The following EFL1 variants were observed in gnomAD, a reference collection of about 807,000 sequenced individuals.
EFL1 encodes elongation factor like GTPase 1.
A neutral mutation model predicts 126.7 loss-of-function variants in EFL1; 76 were observed. The ratio of observed to expected loss-of-function variants is 0.60; its 90% CI spans 0.50 to 0.73. The LOEUF (loss-of-function observed/expected upper bound fraction) is 0.73, where lower values mean the gene tolerates loss of function less well. Ranked by LOEUF, EFL1 falls within the 30% of genes least tolerant of loss-of-function variation. The probability of loss-of-function intolerance (pLI) is 0.00; values close to 1 mark genes in which losing one functional copy is unlikely to be tolerated. For synonymous variants in EFL1, 410 were observed against 448.4 expected (o/e 0.91, Z 1.08); for missense variants, 1,128 against 1,343.2 (o/e 0.84, Z 2.50).
intron 15 of EFL1, among the ~76,000 whole-genome samples, chr15:82,178,871 G>A (rs900911410): frequency 1.8e-4 from 28 of 152,252 alleles, no homozygotes; most frequent in African/African-American, 6.7e-4. Context: ...GCTTAGCATG[G>A]TGGCTCACAC....
chr15:82,169,157 A>G (rs2074108216), intron 15 of EFL1, among the ~76,000 whole-genome samples: 3 of 152,158 alleles, frequency 2.0e-5, no homozygotes, highest in African/African-American at 7.2e-5. Flanking sequence ...ACAGTGGAAG[A>G]AATTCCATCT....
chr15:82,236,293 G>A (rs1189052371), intron 7 of EFL1, among the ~76,000 whole-genome samples: 1 of 152,084 alleles, frequency 6.6e-6, no homozygotes, highest in Non-Finnish European at 1.5e-5. Flanking sequence ...CTAGCAAAAT[G>A]TTTTTGCAGA....
At chr15:82,147,008 G>A (rs904694479) in intron 18 of EFL1, among the ~76,000 whole-genome samples, 1 of 152,064 alleles carries the variant, frequency 6.6e-6, no homozygotes, top group Admixed American at 6.6e-5. Flanking sequence ...TTATCCTAGG[G>A]TGGCCTGGTC....
Position 82,230,866 on chromosome 15 carries a change from C to A in EFL1, c.837G>T (p.Lys279Asn), listed in dbSNP as rs201344719. ...GDYYINMKAK[K>N]IMKGDQAKGK... ...ACATTACCTGATCACCCTTCATGAT[C>A]TTTTTAGCCTTCATATTTATATAGT... The change falls in exon 8 of 20, where the codon AAG (lysine) becomes AAT (asparagine). Residue 279 changes from lysine to asparagine, a missense_variant. Lys to Asn is a moderately conservative substitution (Grantham distance 94). Coordinates refer to ENST00000268206, the MANE Select transcript of EFL1 (RefSeq NM_024580.6). 93 of 1,611,546 alleles carry A rather than the reference C, an allele frequency of 5.8e-5. No homozygotes were observed. The African/African-American group carries it at 1.0e-3, about 18-fold the overall frequency.
At chr15:82,214,472 G>C (rs1475477922) in intron 15 of EFL1, among the ~76,000 whole-genome samples, 2 of 152,116 alleles carry the variant, frequency 1.3e-5, no homozygotes, top group Non-Finnish European at 2.9e-5. Context: ...TGGAACTCCA[G>C]CTTAGGCTAG....
intron 15 of EFL1, among the ~76,000 whole-genome samples, chr15:82,204,836 G>C (rs545024936): frequency 5.3e-5 from 8 of 152,288 alleles, no homozygotes; most frequent in African/African-American, 1.7e-4. Context: ...TGACAACTAT[G>C]CTGATAAATA....
intron 15 of EFL1, among the ~76,000 whole-genome samples, chr15:82,202,606 A>AGAAGAGAGGATCAGAGAGGTT (rs1263618384): frequency 4.6e-5 from 7 of 152,298 alleles, no homozygotes; most frequent in African/African-American, 1.7e-4. Flanking sequence ...TCGGTGAGGC[A>AGAAGAGAGGATCAGAGAGGTT]GAAGAGAGGA....
At chr15:82,133,857 G>A (rs751403066) in intron 19 of EFL1, among the ~76,000 whole-genome samples, 10 of 152,134 alleles carry the variant, frequency 6.6e-5, no homozygotes, top group Non-Finnish European at 1.2e-4. Flanking sequence ...TGCAATGAGC[G>A]AGAAGAACCA....
intron 7 of EFL1, among the ~76,000 whole-genome samples, chr15:82,231,516 T>C (rs2074821872): frequency 6.6e-6 from 1 of 151,944 alleles, no homozygotes; most frequent in African/African-American, 2.4e-5. Context: ...AGGAAGACAG[T>C]CAATCAACAA....
chr15:82,207,624 A>C (rs2074539387), intron 15 of EFL1, among the ~76,000 whole-genome samples: 1 of 152,134 alleles, frequency 6.6e-6, no homozygotes, highest in South Asian at 2.1e-4. Context: ...ATATGCATAT[A>C]TATGGACAGA....
intron 16 of EFL1, 144 bp downstream of exon 16, chr15:82,163,709 C>G: frequency 1.0e-6 from 1 of 976,730 alleles, no homozygotes; most frequent in Non-Finnish European, 1.4e-6. Flanking sequence ...GTTAGATGCC[C>G]TTTGAAGAGT....
chr15:82,253,044 CTT>C (rs112441286), intron 3 of EFL1, among the ~76,000 whole-genome samples: 1 of 142,382 alleles, frequency 7.0e-6, no homozygotes, highest in Non-Finnish European at 1.5e-5. Context: ...TATATAGAGC[CTT>C]TTTTTTTTTT....
intron 15 of EFL1, among the ~76,000 whole-genome samples, chr15:82,211,388 T>C (rs1378434097): frequency 2.0e-5 from 3 of 151,744 alleles, no homozygotes; most frequent in Non-Finnish European, 4.4e-5. Flanking sequence ...TAGGTGGGCA[T>C]GGTGGCACAT....
In EFL1 at chr15:82,152,235, A is replaced by T. The variant is rs2073920362; in HGVS notation, c.2219T>A (p.Ile740Asn). ...AAGTTTATTGGGAGTTGTTATGGTG[A>T]TTAGCCCGTCAGAGTCAACTTGGAT... ...EGIQVDSDGLITITTPNKLAT... is the reference protein window; with the variant it reads ...EGIQVDSDGLNTITTPNKLAT... The change falls in exon 18 of 20, where the codon ATC becomes AAC. Residue 740 changes from isoleucine to asparagine, a missense_variant. By Grantham distance (149) the Ile-to-Asn change is moderately radical. This residue lies in a region of EFL1 where 561 missense variants were observed against 641.7 expected (regional missense o/e 0.87). Coordinates refer to ENST00000268206, the MANE Select transcript of EFL1 (RefSeq NM_024580.6). 3.7e-6 allele frequency: 6 copies of T among 1,614,192 alleles called. No individual in the cohort carries two copies. The highest frequency in any genetic ancestry group is 4.2e-6 in the Non-Finnish European group (5 of 1,180,034).
intron 11 of EFL1, among the ~76,000 whole-genome samples, chr15:82,226,242 C>G (rs2074762454): frequency 1.3e-5 from 2 of 152,268 alleles, no homozygotes; most frequent in South Asian, 4.2e-4. Flanking sequence ...TATCTCGGCT[C>G]ACTGCAACCT....
At chr15:82,156,448 C>T (rs779879719) in intron 17 of EFL1, among the ~76,000 whole-genome samples, 1 of 152,154 alleles carries the variant, frequency 6.6e-6, no homozygotes, top group Non-Finnish European at 1.5e-5. Context: ...CCACATCCAG[C>T]TAATTTTTGT....
chr15:82,175,306 T>C (rs1317101604), intron 15 of EFL1, among the ~76,000 whole-genome samples: 1 of 152,152 alleles, frequency 6.6e-6, no homozygotes, highest in African/African-American at 2.4e-5. Flanking sequence ...AGTAACAATA[T>C]TAGAATGTTA....
Position 82,214,789 on chromosome 15 carries a change from G to C in EFL1, c.1678C>G (p.Leu560Val). 1 of 1,598,374 alleles carries C rather than the reference G, an allele frequency of 6.3e-7. No individual in the cohort carries two copies. The highest frequency in any genetic ancestry group is 8.5e-7 in the Non-Finnish European group (1 of 1,174,028). ...PQVPHMAYCA[L>V]ENLYLLMGRE... ...CCCATCAGAAGATACAGGTTTTCCA[G>C]AGCACAGTATGCCATGTGGGGGACT... is the stretch of plus-strand genomic sequence containing the variant. Residue 560 changes from leucine to valine, a missense_variant, in exon 15 of 20, where the codon CTG becomes GTG. Leu to Val is a conservative substitution (Grantham distance 32). This residue lies in a region of EFL1 where 120 missense variants were observed against 142.1 expected (regional missense o/e 0.84). Transcript: ENST00000268206.
At chr15:82,171,803 A>G (rs1207452588) in intron 15 of EFL1, among the ~76,000 whole-genome samples, 1 of 152,194 alleles carries the variant, frequency 6.6e-6, no homozygotes, top group Non-Finnish European at 1.5e-5. Flanking sequence ...TCCAAACCTC[A>G]GCATCATGCA....
Sources: gnomAD v4.1 joint callset for allele counts (sites outside exome capture counted in the v4.1 genomes callset) on GRCh38, gnomAD v4.1.1 for gene constraint, gnomAD v4.1.1 regional missense constraint, MANE v1.5 for transcripts, NCBI Gene and HGNC (gene_info 2026-07-23, HGNC 2026-07-21) for gene names.